HELZ2: variants seen among roughly 807,000 people sequenced by gnomAD.
HELZ2 encodes helicase with zinc finger 2.
In HELZ2, 143 loss-of-function variants were observed where a neutral mutation model predicts 208.8. That is an observed-to-expected ratio of 0.68 (90% CI 0.60 to 0.79). The LOEUF (loss-of-function observed/expected upper bound fraction) is 0.79. Among genes scored for constraint, HELZ2 ranks in the 30% least tolerant of loss-of-function variants. HELZ2 has a pLI of 0.00. For synonymous variants in HELZ2, 1,705 were observed against 1,693.7 expected (o/e 1.01, Z -0.16); for missense variants, 3,690 against 3,794.5 (o/e 0.97, Z 0.72).
chr20:63,567,750 G>C, intron 5 of HELZ2, 123 bp from the exon 7 acceptor site: 1 of 1,465,292 alleles, frequency 6.8e-7, no homozygotes, highest in Non-Finnish European at 9.0e-7. Context: ...TGTCAGAGGT[G>C]AGCAGCAAAC....
chr20:63,573,456 G>C (rs545138577), upstream of HELZ2, among the ~76,000 whole-genome samples: 17 of 152,274 alleles, frequency 1.1e-4, no homozygotes, highest in African/African-American at 3.9e-4. The surrounding 1 kb of genome is among the most constrained non-coding windows in gnomAD (Gnocchi z 4.9). Flanking sequence ...CCCGGACACA[G>C]CCAGACCCTC....
exon 8 of HELZ2, chr20:63,565,978 C>G (rs1600977713): frequency 1.3e-6 from 2 of 1,599,248 alleles, no homozygotes; most frequent in East Asian, 2.2e-5. Flanking sequence ...CGACCTGCTC[C>G]ATGGACAGGC....
chr20:63,572,443 A>C, exon 1 of HELZ2: 1 of 1,437,526 alleles, frequency 7.0e-7, no homozygotes. Flanking sequence ...ACGGCTGCCC[A>C]CGCCCCACAA....
exon 5 of HELZ2, chr20:63,568,874 G>A (rs2082990805): frequency 6.2e-7 from 1 of 1,612,032 alleles, no homozygotes; most frequent in Non-Finnish European, 8.5e-7. Flanking sequence ...GCCCTGGTCT[G>A]TGTCTGGCAT....
At position 63,568,988 on chromosome 20, in the gene HELZ2, C is replaced by A. The variant is rs751212065; in HGVS notation, c.1100G>T (p.Arg367Leu). The A allele has an allele frequency of 1.1e-5, 18 of 1,601,828 alleles. No homozygotes were observed. The South Asian group carries it at 2.0e-4, about 18-fold the overall frequency. ...TGCCGTCTTCAGGAACACCTGGCCC[C>A]GCAGGGTCAGCCTGGCAGGATGGCC... Residue 367 changes from arginine to leucine, a missense_variant, in exon 5 of 19, where the codon CGG (arginine) becomes CTG (leucine). Arg to Leu is a moderately radical substitution (Grantham distance 102, BLOSUM62 -2). Transcript: ENST00000467148.
At chr20:63,568,663 C>A (rs760595787) in exon 5 of HELZ2, 2 of 1,605,268 alleles carry the variant, frequency 1.2e-6, no homozygotes, top group Non-Finnish European at 1.7e-6. Context: ...GGAAGGTCAT[C>A]GGGTCAATCT....
exon 8 of HELZ2, chr20:63,562,946 G>A: frequency 6.3e-7 from 1 of 1,590,640 alleles, no homozygotes; most frequent in East Asian, 2.3e-5. Context: ...GTCATTCTCG[G>A]CAACCGCGCC....
exon 1 of HELZ2, chr20:63,572,285 T>A (rs779944766): frequency 6.3e-7 from 1 of 1,587,316 alleles, no homozygotes; most frequent in East Asian, 2.3e-5. Flanking sequence ...CCCAGGGGGC[T>A]GGCCAAGGGG....
intron 3 of HELZ2, 38 bp from the exon 5 acceptor site, chr20:63,569,703 TC>T (rs1424430906): frequency 2.7e-6 from 4 of 1,472,224 alleles, no homozygotes; most frequent in South Asian, 1.3e-5. Context: ...GGCCCAGGGC[TC>T]CCCCCAACCC....
chr20:63,569,749 G>T, intron 3 of HELZ2, 84 bp from the exon 5 acceptor site: 1 of 1,373,452 alleles, frequency 7.3e-7, no homozygotes, highest in Non-Finnish European at 9.6e-7. Context: ...TAGCCCAAGT[G>T]CAGGGTTCAG....
rs370085311 is a variant in HELZ2 at position 63,561,669 on chromosome 20, C to T, written c.6768G>A (p.Val2256=). 31 of 1,612,394 alleles carry T rather than the reference C, an allele frequency of 1.9e-5. No individual in the cohort carries two copies. The African/African-American group carries it at 4.1e-4, about 22-fold the overall frequency. Residue 2256 remains valine (V), a synonymous_variant, in exon 12 of 19, where the codon GTG becomes GTA. Transcript: ENST00000467148. ...GCAGCTTCCTGCTGCCCACACGCGG[C>T]ACTGGGAACTCGCTGGCCTCAGCCT...
At chr20:63,561,265 C>G in exon 14 of HELZ2, 1 of 1,612,666 alleles carries the variant, frequency 6.2e-7, no homozygotes, top group South Asian at 1.1e-5. Flanking sequence ...CCCACAAGAC[C>G]TTCTTGTACC....
chr20:63,563,484 C>T (rs759205450), exon 8 of HELZ2: 12 of 1,513,226 alleles, frequency 7.9e-6, no homozygotes, highest in African/African-American at 2.8e-5. Flanking sequence ...TGGGGGTGCT[C>T]GGCCAGCTGC....
In HELZ2 at chr20:63,562,889, G is replaced by A. The variant is rs115831755; in HGVS notation, c.5933C>T (p.Thr1978Met). ...GGCGCCCTGCAGCTGCCCCTGCGGC[G>A]TCCGTGACGCCTCCCAGGAGACACT... The change falls in exon 8 of 19, where the codon ACG (threonine) becomes ATG (methionine). Residue 1978 changes from threonine to methionine, a missense_variant. Transcript: ENST00000467148. 345 of 1,602,028 alleles carry A rather than the reference G, an allele frequency of 2.2e-4. No homozygotes were observed. In the East Asian group the frequency reaches 5.4e-3, roughly 25 times the overall value.
At chr20:63,561,666 C>A in exon 12 of HELZ2, 2 of 1,612,254 alleles carry the variant, frequency 1.2e-6, no homozygotes, top group Non-Finnish European at 1.7e-6. Flanking sequence ...TGCCCACACG[C>A]GGCACTGGGA....
chr20:63,569,767 C>T, intron 3 of HELZ2, 102 bp from the exon 5 acceptor site: 1 of 1,252,554 alleles, frequency 8.0e-7, no homozygotes, highest in East Asian at 2.6e-5. Flanking sequence ...CAGGTCCTGG[C>T]CCTGCCACTT....
chr20:63,573,571 C>A (rs1400802956), upstream of HELZ2, among the ~76,000 whole-genome samples: 4 of 152,156 alleles, frequency 2.6e-5, no homozygotes, highest in Non-Finnish European at 4.4e-5. This position sits in a 1 kb window ranked among gnomAD's most constrained non-coding sequence, Gnocchi z 4.9. Flanking sequence ...CAGGAGGCCG[C>A]ACCCCTCTGC....
At position 63,565,317 on chromosome 20, in the gene HELZ2, C is replaced by T. The variant is rs561038248; in HGVS notation, c.3505G>A (p.Gly1169Arg). The T allele has an allele frequency of 1.5e-5, 24 of 1,606,028 alleles. No individual in the cohort carries two copies. Among genetic ancestry groups the T allele is most frequent in the South Asian group, 5.6e-5 (5 of 90,054 alleles). Reference sequence around the variant, plus strand: ...AGGAGCTGCACCAGCACCTCATCCCCGGCGAAGGCCATCCCACAGTCCAGG... The same window carrying T: ...AGGAGCTGCACCAGCACCTCATCCCTGGCGAAGGCCATCCCACAGTCCAGG... Residue 1169 changes from glycine (G) to arginine (R), a missense_variant, in exon 8 of 19, where the codon GGG becomes AGG. Transcript: ENST00000467148.
exon 6 of HELZ2, chr20:63,567,587 C>G (rs780064169): frequency 6.3e-7 from 1 of 1,596,278 alleles, no homozygotes; most frequent in East Asian, 2.3e-5. Flanking sequence ...CCGCCGCTGA[C>G]GTGGCTGTGG....
Sources: gnomAD v4.1 joint callset for allele counts (sites outside exome capture counted in the v4.1 genomes callset) on GRCh38, gnomAD v4.1.1 for gene constraint, Gnocchi (gnomAD v3.1) non-coding constraint, MANE v1.5 for transcripts, NCBI Gene and HGNC (gene_info 2026-07-23, HGNC 2026-07-21) for gene names.